SOX6: variants seen among roughly 807,000 people sequenced by gnomAD.
SOX6 encodes the protein SRY-box transcription factor 6.
Under a neutral mutation model 97.8 loss-of-function variants are expected in SOX6, and 11 were observed. That is an observed-to-expected ratio of 0.11 (90% CI 0.07 to 0.19). The LOEUF is 0.19. SOX6 is among the 10% of genes least tolerant of loss of function. The pLI, the probability that SOX6 is intolerant of heterozygous loss-of-function variation, is 1.00. For missense variants in SOX6, 810 were observed against 1,039.5 expected (o/e 0.78, Z 3.04); for synonymous variants, 360 against 371.4 (o/e 0.97, Z 0.35).
At chr11:16,240,259 C>T (rs999171665) in intron 3 of SOX6, among the ~76,000 whole-genome samples, 1 of 144,802 alleles carries the variant, frequency 6.9e-6, no homozygotes, top group African/African-American at 2.6e-5. Context: ...TCCAAAACCA[C>T]TTTACTAGAT....
At chr11:16,183,754 G>T in intron 6 of SOX6, 132 bp downstream of exon 6, 1 of 747,874 alleles carries the variant, frequency 1.3e-6, no homozygotes, top group Non-Finnish European at 2.3e-6. Context: ...ATAGAATTGT[G>T]CACAACATCC....
At chr11:16,170,669 T>C (rs559200355) in intron 6 of SOX6, among the ~76,000 whole-genome samples, 2 of 152,152 alleles carry the variant, frequency 1.3e-5, no homozygotes, top group Non-Finnish European at 2.9e-5. Flanking sequence ...TTTGTCCCTT[T>C]GGAACACAGG....
intron 3 of SOX6, among the ~76,000 whole-genome samples, chr11:16,671,500 C>T (rs76288138): frequency 0.011 from 1,693 of 151,992 alleles, 24 homozygotes; most frequent in African/African-American, 0.039. Context: ...TTTCACAATA[C>T]GATTATAAGT....
chr11:16,590,520 A>G (rs1421008366), intron 4 of SOX6, among the ~76,000 whole-genome samples: 1 of 152,194 alleles, frequency 6.6e-6, no homozygotes, highest in Non-Finnish European at 1.5e-5. Flanking sequence ...GCCCAGTGCT[A>G]CATGATAATG....
chr11:16,437,124 G>A (rs1204775021), intron 1 of SOX6, among the ~76,000 whole-genome samples: 1 of 151,330 alleles, frequency 6.6e-6, no homozygotes, highest in African/African-American at 2.4e-5. Flanking sequence ...AAAATAGCCA[G>A]CATGGCATTG....
At chr11:16,230,933 G>T (rs1413659492) in intron 4 of SOX6, among the ~76,000 whole-genome samples, 1 of 151,724 alleles carries the variant, frequency 6.6e-6, no homozygotes, top group East Asian at 1.9e-4. Context: ...TTTCAAGTCA[G>T]AGGAGGTAAG....
chr11:16,532,598 A>G (rs1162526720), intron 4 of SOX6, among the ~76,000 whole-genome samples: 1 of 151,926 alleles, frequency 6.6e-6, no homozygotes, highest in Non-Finnish European at 1.5e-5. Flanking sequence ...GATTCAAAAC[A>G]TTTTAAAATA....
chr11:16,327,644 T>C (rs1282989648), intron 2 of SOX6, among the ~76,000 whole-genome samples: 1 of 152,092 alleles, frequency 6.6e-6, no homozygotes, highest in Non-Finnish European at 1.5e-5. Context: ...ACCGCTCTTA[T>C]TCAGCTGGAT....
At chr11:16,362,359 C>G (rs1264494504) in intron 1 of SOX6, among the ~76,000 whole-genome samples, 2 of 152,070 alleles carry the variant, frequency 1.3e-5, no homozygotes, top group Non-Finnish European at 2.9e-5. Flanking sequence ...CAGTTGCTTT[C>G]CATCCCCATG....
At chr11:16,458,921 A>G (rs1021729033) in intron 1 of SOX6, among the ~76,000 whole-genome samples, 1 of 152,086 alleles carries the variant, frequency 6.6e-6, no homozygotes, top group Non-Finnish European at 1.5e-5. Context: ...CTTGTAGTCT[A>G]GAGGAGCCAA....
At chr11:16,473,507 G>T (rs1860178494) in intron 1 of SOX6, among the ~76,000 whole-genome samples, 1 of 151,782 alleles carries the variant, frequency 6.6e-6, no homozygotes, top group Non-Finnish European at 1.5e-5. Context: ...ACTGGTCAGG[G>T]TGGTAGTTGC....
At chr11:16,614,116 G>C (rs1848438111) in intron 3 of SOX6, among the ~76,000 whole-genome samples, 1 of 152,232 alleles carries the variant, frequency 6.6e-6, no homozygotes, top group African/African-American at 2.4e-5. Flanking sequence ...GCAGCTCCAA[G>C]TCAGGGGCTG....
chr11:16,693,292 A>AT (rs1848029845), intron 3 of SOX6, among the ~76,000 whole-genome samples: 1 of 152,052 alleles, frequency 6.6e-6, no homozygotes. Flanking sequence ...TTTGGTGGTG[A>AT]TTTTTCCTCC....
Position 16,427,376 on chromosome 11 carries a change from A to T in SOX6, c.-5+48939T>A, listed in dbSNP as rs1466428608. Among the ~76,000 whole-genome samples the T allele has an allele frequency of 2.6e-5, 4 of 151,488 alleles. No homozygotes were observed. The South Asian group carries it at 8.3e-4, about 32-fold the overall frequency. ...TTAAGTTTTAGGGTACATGTGCACA[A>T]TGTGCAGGTTTGTTACATATGTATA... On this transcript the variant is annotated intron_variant, in intron 1 of 15. Transcript: ENST00000396356.
At chr11:16,645,079 C>T (rs1410653097) in intron 3 of SOX6, among the ~76,000 whole-genome samples, 5 of 152,220 alleles carry the variant, frequency 3.3e-5, no homozygotes, top group Non-Finnish European at 7.3e-5. Flanking sequence ...TTTCTCAACA[C>T]ATTTAATTGG....
At chr11:16,516,892 T>C (rs7112327) in intron 4 of SOX6, among the ~76,000 whole-genome samples, 30,348 of 142,040 alleles carry the variant, frequency 0.21, 3,064 homozygotes, top group East Asian at 0.43. Context: ...GAATTTTAGA[T>C]CAATATCCTT....
chr11:16,500,420 C>T (rs979481210), intron 4 of SOX6, among the ~76,000 whole-genome samples: 4 of 152,112 alleles, frequency 2.6e-5, no homozygotes, highest in Non-Finnish European at 4.4e-5. Context: ...ATGCCCTCTC[C>T]CACCACTCCT....
At chr11:16,355,553 T>G (rs2134366453) in intron 1 of SOX6, among the ~76,000 whole-genome samples, 1 of 152,162 alleles carries the variant, frequency 6.6e-6, no homozygotes, top group African/African-American at 2.4e-5. Context: ...AATTTTAAGT[T>G]TTTACTAAAA....
At chr11:15,989,305 C>T in intron 13 of SOX6, 75 bp from the exon 14 acceptor site, 1 of 1,244,034 alleles carries the variant, frequency 8.0e-7, no homozygotes. Flanking sequence ...AGCTTGCCGC[C>T]TGGGTCAGCT....
Sources: gnomAD v4.1 joint callset for allele counts (sites outside exome capture counted in the v4.1 genomes callset) on GRCh38, gnomAD v4.1.1 for gene constraint, MANE v1.5 for transcripts, NCBI Gene and HGNC (gene_info 2026-07-23, HGNC 2026-07-21) for gene names.